The following TSPAN9 variants were observed in gnomAD, a reference collection of about 807,000 sequenced individuals.
TSPAN9 encodes the protein tetraspanin-9.
In TSPAN9, 16 loss-of-function variants were observed where a neutral mutation model predicts 31.0. That is an observed-to-expected ratio of 0.52 (90% confidence interval 0.35 to 0.78). The LOEUF (loss-of-function observed/expected upper bound fraction) is 0.78, where lower values mean the gene tolerates loss of function less well. TSPAN9 is among the 30% of genes least tolerant of loss of function. TSPAN9 has a pLI of 0.01. For synonymous variants in TSPAN9, 145 were observed against 121.6 expected (o/e 1.19, Z -1.27); for missense variants, 272 against 312.5 (o/e 0.87, Z 0.98).
rs150736581 is a variant in TSPAN9, at chr12:3,281,796, G to A, written c.627G>A (p.Gly209=). Residue 209 remains glycine, a synonymous_variant, in exon 8 of 9, where the codon GGG becomes GGA. Coordinates refer to ENST00000011898, the MANE Select transcript of TSPAN9 (RefSeq NM_006675.5). ...DDNKHVLGTV[G]MCILIMQILG... ...ATAAGCACGTGCTGGGCACGGTGGG[G>A]ATGTGCATCCTCATCATGCAGGTAA... 6.2e-7 allele frequency: 1 copy of A among 1,614,180 alleles called. No homozygotes were observed. Among genetic ancestry groups the A allele is most frequent in the Non-Finnish European group, 8.5e-7 (1 of 1,180,026 alleles).
At chr12:3,098,327 T>C (rs1263818496) in intron 2 of TSPAN9, among the ~76,000 whole-genome samples, 1 of 152,206 alleles carries the variant, frequency 6.6e-6, no homozygotes. Context: ...GGGTCTACCC[T>C]TGGACCCATC....
intron 2 of TSPAN9, among the ~76,000 whole-genome samples, chr12:3,105,765 C>CA (rs1491345993): frequency 9.8e-5 from 7 of 71,534 alleles, no homozygotes; most frequent in African/African-American, 2.3e-4. Context: ...CACGCACACA[C>CA]GCGCACGCAC....
rs962562700 is a variant in TSPAN9 at position 3,147,419 on chromosome 12, A to G, written c.-17-53758A>G. On this transcript the variant is annotated intron_variant, in intron 2 of 8. Coordinates refer to ENST00000011898, the MANE Select transcript of TSPAN9 (RefSeq NM_006675.5). The surrounding 1 kb of genome is among the most constrained non-coding windows in gnomAD (Gnocchi z 4.3). ...CCGAGGAGCAAGGTTGGTGGTGGGC[A>G]TGCTGCAGCCTGAGTCCTGGTGGCA... is the stretch of plus-strand genomic sequence containing the variant. Among the ~76,000 whole-genome samples, 3 of 152,178 alleles carry G rather than the reference A, an allele frequency of 2.0e-5. No homozygotes were observed. Among genetic ancestry groups the G allele is most frequent in the Admixed American group, 2.0e-4 (3 of 15,280 alleles).
intron 3 of TSPAN9, among the ~76,000 whole-genome samples, chr12:3,202,465 A>G (rs576091672): frequency 5.3e-5 from 8 of 152,344 alleles, no homozygotes; most frequent in Admixed American, 3.3e-4. Flanking sequence ...GACTTTTCCC[A>G]TAGAATGACA....
intron 2 of TSPAN9, among the ~76,000 whole-genome samples, chr12:3,095,512 C>G (rs1401019397): frequency 9.5e-6 from 1 of 105,462 alleles, no homozygotes; most frequent in Non-Finnish European, 2.0e-5. Context: ...GACCCCCCCC[C>G]ACCTCCCTCC....
chr12:3,204,952 G>T (rs931326921), intron 3 of TSPAN9, among the ~76,000 whole-genome samples: 1 of 152,156 alleles, frequency 6.6e-6, no homozygotes, highest in Non-Finnish European at 1.5e-5. Context: ...CTCCCAGGGG[G>T]CAAAGGAGAC....
intron 2 of TSPAN9, among the ~76,000 whole-genome samples, chr12:3,105,832 T>G (rs2878394): frequency 0.4 from 56,780 of 142,316 alleles, 11,753 homozygotes; most frequent in South Asian, 0.55. Flanking sequence ...GCACACACAC[T>G]TTCATACACA....
intron 2 of TSPAN9, among the ~76,000 whole-genome samples, chr12:3,158,162 G>C (rs1412286056): frequency 6.6e-6 from 1 of 152,166 alleles, no homozygotes; most frequent in Non-Finnish European, 1.5e-5. Context: ...GGAGCACAGG[G>C]CTTCCTGCTT....
At chr12:3,208,148 G>A (rs796381281) in intron 3 of TSPAN9, among the ~76,000 whole-genome samples, 7 of 152,328 alleles carry the variant, frequency 4.6e-5, no homozygotes, top group African/African-American at 1.7e-4. Context: ...CGGTGAGAGC[G>A]TATGAACAGG....
intron 3 of TSPAN9, among the ~76,000 whole-genome samples, chr12:3,240,870 C>T (rs563577730): frequency 5.2e-4 from 79 of 152,208 alleles, no homozygotes; most frequent in East Asian, 1.7e-3. Flanking sequence ...AAAATAGTAG[C>T]GATCAGTAAA....
chr12:3,242,243 G>A (rs1297349100), intron 3 of TSPAN9, among the ~76,000 whole-genome samples: 1 of 152,250 alleles, frequency 6.6e-6, no homozygotes, highest in East Asian at 1.9e-4. Flanking sequence ...TTGGGATGGG[G>A]TTGAGCTGCT....
chr12:3,147,251 A>G lies in TSPAN9; in HGVS notation c.-17-53926A>G, dbSNP rs542546508. 3.3e-4 allele frequency among the ~76,000 whole-genome samples: 51 copies of G among 152,252 alleles called. No homozygotes were observed. Among genetic ancestry groups the G allele is most frequent in the South Asian group, 1.2e-3 (6 of 4,824 alleles). On this transcript the variant is annotated intron_variant, in intron 2 of 8. Transcript: ENST00000011898. The surrounding 1 kb of genome is among the most constrained non-coding windows in gnomAD (Gnocchi z 4.3). The stretch of plus-strand genomic sequence containing the variant: ...GAGGAGCTGCTGGGCAGCAGGAGGC[A>G]GGGACCACGGTCCCTGCCCTGGGAT...
chr12:3,139,221 G>A (rs2098333583), intron 2 of TSPAN9, among the ~76,000 whole-genome samples: 1 of 152,324 alleles, frequency 6.6e-6, no homozygotes, highest in South Asian at 2.1e-4. Context: ...CTCTTCCTCT[G>A]TCTGAGACCA....
At position 3,285,164 on chromosome 12, in the gene TSPAN9, C is replaced by G. The variant is rs1862990414; in HGVS notation, c.*2048C>G. On this transcript the variant is annotated 3_prime_UTR_variant, in exon 9 of 9. Transcript: ENST00000011898. ...GTTTCAGCCGCCTCCGCAGGAACCC[C>G]CAAAGTGCAGATTCCGGAGCAGACA... 1 of 149,520 alleles carries G rather than the reference C, an allele frequency of 6.7e-6. No individual in the cohort carries two copies. The highest frequency in any genetic ancestry group is 1.5e-5 in the Non-Finnish European group (1 of 67,902). The allele number at this position is 149,520 out of a possible 1,614,324, so 9.3% of individuals were successfully genotyped here. A position where few individuals can be genotyped will look rare whatever the true frequency, so the allele number is the denominator to read the frequency against.
chr12:3,179,261 C>T (rs983363120), intron 2 of TSPAN9, among the ~76,000 whole-genome samples: 1 of 152,148 alleles, frequency 6.6e-6, no homozygotes, highest in Non-Finnish European at 1.5e-5. Context: ...ATGCTGGGTG[C>T]ATTACACACC....
At chr12:3,106,090 G>C (rs1054421181) in intron 2 of TSPAN9, among the ~76,000 whole-genome samples, 1 of 151,126 alleles carries the variant, frequency 6.6e-6, no homozygotes, top group South Asian at 2.1e-4. Context: ...TCTTGTGCGC[G>C]CACGCACACA....
intron 2 of TSPAN9, among the ~76,000 whole-genome samples, chr12:3,130,373 G>A (rs553758519): frequency 6.6e-4 from 101 of 152,268 alleles, no homozygotes; most frequent in Non-Finnish European, 1.2e-3. Context: ...TTTCTTGTTC[G>A]CGTCAGCTAC....
intron 3 of TSPAN9, among the ~76,000 whole-genome samples, chr12:3,234,800 T>C (rs1355005404): frequency 6.6e-6 from 1 of 152,066 alleles, no homozygotes; most frequent in Non-Finnish European, 1.5e-5. Context: ...CCAGGTTTTC[T>C]CAGGCAGCAG....
chr12:3,089,536 C>T (rs1367675841), intron 2 of TSPAN9, among the ~76,000 whole-genome samples: 1 of 151,858 alleles, frequency 6.6e-6, no homozygotes, highest in Admixed American at 6.5e-5. Context: ...ACCTCGTGAT[C>T]CGCCCTCCTT....
Sources: gnomAD v4.1 joint callset for allele counts (sites outside exome capture counted in the v4.1 genomes callset) on GRCh38, gnomAD v4.1.1 for gene constraint, Gnocchi (gnomAD v3.1) non-coding constraint, MANE v1.5 for transcripts, NCBI Gene and HGNC (gene_info 2026-07-23, HGNC 2026-07-21) for gene names.